Variants in FGF12 observed in about 807,000 individuals in gnomAD.
The protein encoded by FGF12 is fibroblast growth factor 12B.
FGF12 carries 14 observed loss-of-function variants against 23.6 expected under a neutral mutation model. The observed-to-expected ratio is 0.59, with a 90% CI of 0.39 to 0.93. The LOEUF (loss-of-function observed/expected upper bound fraction) is 0.93, where lower values mean the gene tolerates loss of function less well. Among genes scored for constraint, FGF12 ranks in the 40% least tolerant of loss-of-function variants. The probability of loss-of-function intolerance (pLI) is 0.00; values close to 1 mark genes in which losing one functional copy is unlikely to be tolerated. For missense variants in FGF12, 175 were observed against 217.8 expected, an observed-to-expected ratio of 0.80 and a Z score of 1.24; for synonymous variants, 62 against 77.3, an observed-to-expected ratio of 0.80 and a Z score of 1.04.
chr3:192,284,854 G>C (rs1390440182), intron 4 of FGF12, among the ~76,000 whole-genome samples: 1 of 151,984 alleles, frequency 6.6e-6, no homozygotes, highest in African/African-American at 2.4e-5. Flanking sequence ...GGGGAAGCTG[G>C]ATTTTAACTC....
At chr3:192,692,149 T>C (rs1366441114) in intron 2 of FGF12, among the ~76,000 whole-genome samples, 1 of 152,028 alleles carries the variant, frequency 6.6e-6, no homozygotes, top group African/African-American at 2.4e-5. Context: ...AGAAAATACA[T>C]ACAAACCCAT....
At chr3:192,666,417 T>C (rs1362498782) in intron 2 of FGF12, among the ~76,000 whole-genome samples, 3 of 152,218 alleles carry the variant, frequency 2.0e-5, no homozygotes, top group East Asian at 3.8e-4. Context: ...TTCCCAGGAC[T>C]TTATACAATC....
chr3:192,399,932 G>C lies in FGF12; in HGVS notation c.14-39394C>G, dbSNP rs116610758. Among the ~76,000 whole-genome samples, 280 of 152,308 alleles carry C rather than the reference G, an allele frequency of 1.8e-3. 2 individuals are homozygous for C. The highest frequency in any genetic ancestry group is 3.1e-3 in the Non-Finnish European group (211 of 68,036). On this transcript the variant is annotated intron_variant, in intron 2 of 5. Transcript: ENST00000445105. ...ACAGTCATCCCTCCCTATGTTCAGG[G>C]TGAGGAGTGGTGGTTACAAGACCGC...
chr3:192,396,443 G>T (rs1217914620), intron 2 of FGF12, among the ~76,000 whole-genome samples: 1 of 152,224 alleles, frequency 6.6e-6, no homozygotes, highest in East Asian at 1.9e-4. Flanking sequence ...CCAGCATTGG[G>T]CAATGGGCCC....
intron 2 of FGF12, among the ~76,000 whole-genome samples, chr3:192,498,584 C>T (rs1286778644): frequency 2.6e-5 from 4 of 152,054 alleles, no homozygotes; most frequent in African/African-American, 9.7e-5. Flanking sequence ...TTACCACACA[C>T]TTTGTAAGAG....
At chr3:192,539,937 G>A (rs1188956118) in intron 2 of FGF12, among the ~76,000 whole-genome samples, 1 of 151,946 alleles carries the variant, frequency 6.6e-6, no homozygotes, top group African/African-American at 2.4e-5. Flanking sequence ...TGTTGGCATA[G>A]AGTTGTTTAC....
rs370870603 is a variant in FGF12, at chr3:192,501,357, T to C, written c.14-140819A>G. On this transcript the variant is annotated intron_variant, in intron 2 of 5. Coordinates refer to ENST00000445105, the MANE Select transcript of FGF12 (RefSeq NM_004113.6). ...TCATTCTAAGTTTTAGGTGTATTGG[T>C]GTTTGTTACCATATTCTCTGCACAT... Among the ~76,000 whole-genome samples, 11 of 152,352 alleles carry C rather than the reference T, an allele frequency of 7.2e-5. 1 individual carries two copies. The highest frequency in any genetic ancestry group is 5.2e-4 in the Admixed American group (8 of 15,302).
chr3:192,573,655 T>A (rs781413), intron 2 of FGF12, among the ~76,000 whole-genome samples: 95,234 of 151,796 alleles, frequency 0.63, 30,518 homozygotes, highest in East Asian at 0.72. Flanking sequence ...AATAAATAAA[T>A]AAAAATCTCC....
chr3:192,376,290 C>T (rs1306336130), intron 2 of FGF12, among the ~76,000 whole-genome samples: 1 of 151,608 alleles, frequency 6.6e-6, no homozygotes, highest in Non-Finnish European at 1.5e-5. Flanking sequence ...TGAACACACA[C>T]ATAAACTTTC....
chr3:192,171,201 T>A (rs78793432), intron 4 of FGF12, among the ~76,000 whole-genome samples: 207 of 152,148 alleles, frequency 1.4e-3, no homozygotes, highest in African/African-American at 4.9e-3. Context: ...TCCTTAGTAA[T>A]CAAAATCTCA....
intron 2 of FGF12, among the ~76,000 whole-genome samples, chr3:192,550,690 A>T (rs554284000): frequency 6.6e-6 from 1 of 152,270 alleles, no homozygotes; most frequent in Admixed American, 6.5e-5. Flanking sequence ...GAGATAAAGT[A>T]GGAGGTAAGC....
intron 4 of FGF12, among the ~76,000 whole-genome samples, chr3:192,250,049 C>T (rs1005261519): frequency 6.6e-6 from 1 of 152,106 alleles, no homozygotes; most frequent in Non-Finnish European, 1.5e-5. Context: ...ACCTTATTAT[C>T]GATTCATTTA....
chr3:192,288,001 T>A (rs1714548249), intron 4 of FGF12, among the ~76,000 whole-genome samples: 1 of 152,060 alleles, frequency 6.6e-6, no homozygotes, highest in Non-Finnish European at 1.5e-5. Flanking sequence ...TATTGTCTGT[T>A]ATTGTTTAAT....
At chr3:192,288,858 A>G (rs758399884) in intron 4 of FGF12, among the ~76,000 whole-genome samples, 22 of 152,098 alleles carry the variant, frequency 1.4e-4, no homozygotes, top group Non-Finnish European at 3.1e-4. Flanking sequence ...TATAAACACT[A>G]TATTTCCATT....
intron 2 of FGF12, among the ~76,000 whole-genome samples, chr3:192,513,857 A>G (rs1724568850): frequency 1.3e-5 from 2 of 152,214 alleles, no homozygotes; most frequent in Non-Finnish European, 1.5e-5. Context: ...TAGACACACC[A>G]CTTTAAAGAT....
chr3:192,423,018 G>A (rs1353159067), intron 2 of FGF12, among the ~76,000 whole-genome samples: 3 of 152,092 alleles, frequency 2.0e-5, no homozygotes, highest in Admixed American at 6.6e-5. Flanking sequence ...TCCAAATACC[G>A]GAAAATCTTC....
At chr3:192,386,332 A>T (rs1331830620) in intron 2 of FGF12, among the ~76,000 whole-genome samples, 1 of 152,204 alleles carries the variant, frequency 6.6e-6, no homozygotes, top group African/African-American at 2.4e-5. Context: ...ACTGTATGCT[A>T]GCTGCAGCTT....
intron 2 of FGF12, among the ~76,000 whole-genome samples, chr3:192,655,982 G>T (rs1716397163): frequency 6.7e-6 from 1 of 150,224 alleles, no homozygotes; most frequent in Non-Finnish European, 1.5e-5. Context: ...AGACACATGG[G>T]CCGAGAAAAG....
chr3:192,441,729 G>T (rs770283043), intron 2 of FGF12, among the ~76,000 whole-genome samples: 1 of 152,166 alleles, frequency 6.6e-6, no homozygotes, highest in Admixed American at 6.5e-5. Context: ...AAACACAATT[G>T]TTTAACAAGT....
Sources: gnomAD v4.1 joint callset for allele counts (sites outside exome capture counted in the v4.1 genomes callset) on GRCh38, gnomAD v4.1.1 for gene constraint, MANE v1.5 for transcripts, NCBI Gene and HGNC (gene_info 2026-07-23, HGNC 2026-07-21) for gene names.